TBCE: variants seen among roughly 807,000 people sequenced by gnomAD.
TBCE encodes the protein tubulin-specific chaperone E.
Under a neutral mutation model 77.0 loss-of-function variants are expected in TBCE, and 53 were observed. That is an observed-to-expected ratio of 0.69 (90% CI 0.55 to 0.87). The LOEUF (loss-of-function observed/expected upper bound fraction) is 0.87, where lower values mean the gene tolerates loss of function less well. Among genes scored for constraint, TBCE ranks in the 40% least tolerant of loss-of-function variants. TBCE has a pLI of 0.00. For missense variants in TBCE, 624 were observed against 622.4 expected, an observed-to-expected ratio of 1.00 and a Z score of -0.03; for synonymous variants, 235 against 241.3, an observed-to-expected ratio of 0.97 and a Z score of 0.24.
In TBCE at chr1:235,451,433, T is replaced by A. The variant is rs1682890638; in HGVS notation, c.*2671T>A. On this transcript the variant is annotated 3_prime_UTR_variant, in exon 17 of 17. Coordinates refer to ENST00000642610, the MANE Select transcript of TBCE (RefSeq NM_003193.5). ...AAATCCTCTCTGTAGGAATGCATTT[T>A]AAATAGAGGACTCAGTTTCCAAAGA... The A allele has an allele frequency of 7.9e-6, 1 of 126,126 alleles. No homozygotes were observed. Among genetic ancestry groups the A allele is most frequent in the Admixed American group, 9.2e-5 (1 of 10,868 alleles). The allele number at this position is 126,126 out of a possible 1,614,324, so 7.8% of individuals were successfully genotyped here. A position where few individuals can be genotyped will look rare whatever the true frequency, so the allele number is the denominator to read the frequency against.
At chr1:235,440,532 A>G (rs1681807623) in intron 13 of TBCE, among the ~76,000 whole-genome samples, 1 of 152,064 alleles carries the variant, frequency 6.6e-6, no homozygotes, top group Non-Finnish European at 1.5e-5. Flanking sequence ...AGCTGGGATT[A>G]CAGGCGTCTG....
chr1:235,429,009 A>T (rs1333994825), intron 6 of TBCE: 1 of 121,480 alleles, frequency 8.2e-6, no homozygotes, highest in Non-Finnish European at 1.6e-5. Context: ...TTTTTTTGAG[A>T]CAGAGTCTCA....
At chr1:235,441,709 C>A in intron 13 of TBCE, 105 bp from the exon 14 acceptor site, 1 of 1,034,990 alleles carries the variant, frequency 9.7e-7, no homozygotes, top group Non-Finnish European at 1.5e-6. Context: ...CTGGGAAAGG[C>A]ACAGGCTCTC....
chr1:235,380,065 A>T lies in TBCE; in HGVS notation c.16A>T (p.Thr6Ser), dbSNP rs1190401470. Residue 6 changes from threonine (T) to serine (S), a missense_variant, in exon 2 of 17, where the codon ACA becomes TCA. Physicochemically the swap from Thr to Ser is moderately conservative, Grantham distance 58 (BLOSUM62 1). Transcript: ENST00000642610. ...ATATATTATAATGAGTGACACTTTG[A>T]CAGCGGATGTCATTGGTCGAAGAGT... is the stretch of plus-strand genomic sequence containing the variant. MSDTLTADVIGRRVEV... is the reference protein window; with the variant it reads MSDTLSADVIGRRVEV... The T allele has an allele frequency of 8.1e-6, 13 of 1,613,576 alleles. No homozygotes were observed. The highest frequency in any genetic ancestry group is 1.1e-5 in the Non-Finnish European group (13 of 1,179,824).
At chr1:235,392,138 G>A (rs569216707) in intron 2 of TBCE, among the ~76,000 whole-genome samples, 1 of 151,902 alleles carries the variant, frequency 6.6e-6, no homozygotes, top group African/African-American at 2.4e-5. Context: ...CCTAGGTAAC[G>A]TAACAAGATC....
intron 2 of TBCE, among the ~76,000 whole-genome samples, chr1:235,393,733 G>A (rs1182605546): frequency 6.6e-6 from 1 of 152,072 alleles, no homozygotes; most frequent in Non-Finnish European, 1.5e-5. Context: ...TCTTTTAGCA[G>A]TTGTATACAC....
At chr1:235,383,151 C>T (rs1399433589) in intron 2 of TBCE, among the ~76,000 whole-genome samples, 1 of 146,948 alleles carries the variant, frequency 6.8e-6, no homozygotes, top group Non-Finnish European at 1.5e-5. Flanking sequence ...TTTCTGAGGG[C>T]TCTGTTCTGT....
chr1:235,410,610 A>G (rs1047594050), intron 3 of TBCE, among the ~76,000 whole-genome samples: 1 of 152,140 alleles, frequency 6.6e-6, no homozygotes, highest in Admixed American at 6.6e-5. Flanking sequence ...AGAATGCCTA[A>G]CAGTCTGGAA....
chr1:235,441,733 A>G, intron 13 of TBCE, 81 bp from the exon 14 acceptor site: 2 of 1,323,940 alleles, frequency 1.5e-6, no homozygotes, highest in Admixed American at 1.8e-5. Context: ...ACGCTTACCT[A>G]TCCTTTGTTT....
chr1:235,432,205 A>C (rs1681146662), intron 7 of TBCE, among the ~76,000 whole-genome samples: 1 of 151,898 alleles, frequency 6.6e-6, no homozygotes, highest in African/African-American at 2.4e-5. Flanking sequence ...GATGGTCTTG[A>C]ACTCCTGACC....
At chr1:235,405,252 T>G (rs1679350537) in intron 3 of TBCE, among the ~76,000 whole-genome samples, 1 of 151,814 alleles carries the variant, frequency 6.6e-6, no homozygotes, top group African/African-American at 2.4e-5. Flanking sequence ...CATGAGCCAC[T>G]GCACTGGACC....
rs1677727985 is a variant in TBCE at position 235,382,351 on chromosome 1, A to C, written c.100+2202A>C. On this transcript the variant is annotated intron_variant, in intron 2 of 16. Transcript: ENST00000642610. The stretch of plus-strand genomic sequence containing the variant: ...ACCCAGTAATGGGATGGCTGGGTCA[A>C]ATGGTATTTCTAGTTCTAGATCCCC... Among the ~76,000 whole-genome samples the C allele has an allele frequency of 2.0e-5, 3 of 152,268 alleles. No homozygotes were observed. In the South Asian group the frequency reaches 6.2e-4, roughly 31 times the overall value.
intron 2 of TBCE, among the ~76,000 whole-genome samples, chr1:235,381,877 A>T (rs1205065944): frequency 6.7e-6 from 1 of 149,136 alleles, no homozygotes; most frequent in Non-Finnish European, 1.5e-5. Flanking sequence ...GGTTAGTTAC[A>T]TATGTATACA....
chr1:235,445,217 G>A (rs928790302), intron 15 of TBCE, among the ~76,000 whole-genome samples: 2 of 152,054 alleles, frequency 1.3e-5, no homozygotes, highest in African/African-American at 4.8e-5. Context: ...TTTTTTATTT[G>A]CTTTTCTGTT....
chr1:235,428,540 T>C (rs1368633528), intron 6 of TBCE, among the ~76,000 whole-genome samples: 2 of 152,144 alleles, frequency 1.3e-5, no homozygotes, highest in Admixed American at 6.6e-5. Flanking sequence ...ACGCAGCTGC[T>C]TCGCTAGTAG....
At chr1:235,424,274 G>A (rs922039648) in intron 5 of TBCE, among the ~76,000 whole-genome samples, 3 of 151,898 alleles carry the variant, frequency 2.0e-5, no homozygotes, top group African/African-American at 7.3e-5. Flanking sequence ...GCAGCAGTGC[G>A]GGTGGTGGCT....
chr1:235,421,824 AG>A (rs1228372506), intron 5 of TBCE, among the ~76,000 whole-genome samples: 4 of 152,264 alleles, frequency 2.6e-5, no homozygotes, highest in African/African-American at 9.6e-5. Flanking sequence ...TGCAAAAAAT[AG>A]CAGTTTTGAT....
rs754008097 is a variant in TBCE at position 235,434,540 on chromosome 1, TTTCTTTTTC to T, written c.737+263_737+271del. On this transcript the variant is annotated intron_variant, in intron 8 of 16. Coordinates refer to ENST00000642610, the MANE Select transcript of TBCE (RefSeq NM_003193.5). ...GTGTATTAACTTGCTGTTTCTTTTT[TTTCTTTTTC>T]TTTTTTTGAGACAGAGTCTCACTCT... Among the ~76,000 whole-genome samples, 371 of 85,272 alleles carry T rather than the reference TTTCTTTTTC, an allele frequency of 4.4e-3. 2 individuals carry two copies. The highest frequency in any genetic ancestry group is 0.041 in the Middle Eastern group (8 of 194). The allele number at this position is 85,272 out of a possible 152,430, so 55.9% of individuals were successfully genotyped here. A position where few individuals can be genotyped will look rare whatever the true frequency, so the allele number is the denominator to read the frequency against.
intron 7 of TBCE, chr1:235,433,080 GC>G: frequency 6.4e-7 from 1 of 1,551,190 alleles, no homozygotes; most frequent in South Asian, 1.2e-5. Flanking sequence ...ACACATCCAT[GC>G]GGATGAACGT....
Sources: allele counts gnomAD v4.1 joint callset (sites outside exome capture counted in the v4.1 genomes callset), GRCh38; gene constraint gnomAD v4.1.1; transcripts MANE v1.5; gene names NCBI Gene and HGNC (gene_info 2026-07-23, HGNC 2026-07-21).